Variants in BICC1 observed in about 807,000 individuals in gnomAD.
BICC1 encodes the protein protein bicaudal C homolog 1.
BICC1 carries 43 observed loss-of-function variants against 111.0 expected under a neutral mutation model. That is an observed-to-expected ratio of 0.39 (90% CI 0.30 to 0.50). The LOEUF (loss-of-function observed/expected upper bound fraction) is 0.50, where lower values mean the gene tolerates loss of function less well. BICC1 is among the 20% of genes least tolerant of loss of function. BICC1 has a pLI of 0.88. For missense variants in BICC1, 1,091 were observed against 1,203.2 expected (o/e 0.91, Z 1.38); for synonymous variants, 467 against 434.4 (o/e 1.07, Z -0.93).
intron 1 of BICC1, among the ~76,000 whole-genome samples, chr10:58,519,941 T>C (rs1649032): frequency 0.54 from 82,064 of 152,046 alleles, 23,219 homozygotes; most frequent in African/African-American, 0.71. Flanking sequence ...CTCCTCCCAC[T>C]GTCCACACAT....
chr10:58,693,692 G>A (rs1317813341), intron 2 of BICC1, among the ~76,000 whole-genome samples: 20 of 151,652 alleles, frequency 1.3e-4, no homozygotes, highest in African/African-American at 2.4e-4. Context: ...TCCTTTGCCC[G>A]CTTTTTGATG....
intron 3 of BICC1, among the ~76,000 whole-genome samples, chr10:58,749,557 C>T (rs1346344604): frequency 6.6e-6 from 1 of 152,046 alleles, no homozygotes; most frequent in African/African-American, 2.4e-5. Flanking sequence ...TCGTATAATT[C>T]AGATGTTTTT....
chr10:58,566,627 A>G (rs73302420), intron 1 of BICC1, among the ~76,000 whole-genome samples: 3,878 of 152,192 alleles, frequency 0.025, 177 homozygotes, highest in African/African-American at 0.089. Flanking sequence ...CAGCAGTGTA[A>G]AAGTGTTCTC....
At position 58,606,140 on chromosome 10, in the gene BICC1, G is replaced by A. The variant is rs1291630178; in HGVS notation, c.191-14715G>A. On this transcript the variant is annotated intron_variant, in intron 1 of 20. Transcript: ENST00000373886. The stretch of plus-strand genomic sequence containing the variant: ...ATTTGCCTTCTGGCCTGGCTTCACA[G>A]CTGTCATCATGGAATTTGCTCCCAT... Among the ~76,000 whole-genome samples the A allele has an allele frequency of 2.0e-5, 3 of 152,004 alleles. No homozygotes were observed. In the East Asian group the frequency reaches 5.8e-4, roughly 29 times the overall value.
chr10:58,795,954 A>T (rs975573129), intron 9 of BICC1, among the ~76,000 whole-genome samples: 2 of 152,114 alleles, frequency 1.3e-5, no homozygotes, highest in Non-Finnish European at 1.5e-5. Flanking sequence ...AGGGGCTGTA[A>T]AAAGGGAACC....
intron 17 of BICC1, 62 bp from the exon 18 acceptor site, chr10:58,813,768 C>T: frequency 1.3e-6 from 2 of 1,531,736 alleles, no homozygotes; most frequent in South Asian, 2.4e-5. Flanking sequence ...ATTCTTTTCT[C>T]CTCCCACCCT....
intron 3 of BICC1, among the ~76,000 whole-genome samples, chr10:58,726,636 A>C (rs1392210356): frequency 2.6e-5 from 4 of 152,340 alleles, no homozygotes; most frequent in Admixed American, 2.6e-4. Flanking sequence ...TGTCATGCAC[A>C]AATAGGAGAC....
At chr10:58,606,991 T>C (rs1194843904) in intron 1 of BICC1, among the ~76,000 whole-genome samples, 2 of 152,316 alleles carry the variant, frequency 1.3e-5, no homozygotes, top group East Asian at 1.9e-4. Context: ...TTGGATAAGA[T>C]TGTGATATTT....
At chr10:58,657,643 G>A (rs947064662) in intron 2 of BICC1, among the ~76,000 whole-genome samples, 1 of 152,112 alleles carries the variant, frequency 6.6e-6, no homozygotes, top group Non-Finnish European at 1.5e-5. Context: ...GATTCAAAAT[G>A]TACAAAGGGG....
intron 1 of BICC1, among the ~76,000 whole-genome samples, chr10:58,557,903 T>C (rs978769846): frequency 1.3e-5 from 2 of 152,142 alleles, no homozygotes; most frequent in African/African-American, 4.8e-5. Context: ...AGGCCAGACA[T>C]TGTAATATTA....
intron 1 of BICC1, among the ~76,000 whole-genome samples, chr10:58,556,063 A>G (rs931128473): frequency 1.3e-5 from 2 of 152,118 alleles, no homozygotes; most frequent in Non-Finnish European, 2.9e-5. Context: ...TGGAATTTCT[A>G]GTTTTCGAGT....
At chr10:58,813,559 ATCCCGGAGGCTCTCAGAACTC>A (rs1843981995) in intron 17 of BICC1, among the ~76,000 whole-genome samples, 1 of 152,194 alleles carries the variant, frequency 6.6e-6, no homozygotes. Context: ...GGGATTATTT[ATCCCGGAGGCTCTCAGAACTC>A]TCCCTCAGAA....
intron 2 of BICC1, chr10:58,650,127 T>C (rs1838400433): frequency 6.6e-6 from 1 of 152,188 alleles, no homozygotes; most frequent in Non-Finnish European, 1.5e-5. Flanking sequence ...ACTGAAGAGA[T>C]GATCTGCAGC....
rs74710724 is a variant in BICC1, at chr10:58,702,988, A to G, written c.307+845A>G. On this transcript the variant is annotated intron_variant, in intron 3 of 20. Coordinates refer to ENST00000373886, the MANE Select transcript of BICC1 (RefSeq NM_001080512.3). ...TCTCCCCATGACTTACTACTAAATGATAACACTGTAAGATTTCTCAGTTTC... is the reference window on the plus strand; with the variant it reads ...TCTCCCCATGACTTACTACTAAATGGTAACACTGTAAGATTTCTCAGTTTC... Among the ~76,000 whole-genome samples, 631 of 152,260 alleles carry G rather than the reference A, an allele frequency of 4.1e-3. 13 individuals are homozygous for G. The highest frequency in any genetic ancestry group is 0.014 in the African/African-American group (600 of 41,546).
chr10:58,798,504 G>C lies in BICC1; in HGVS notation c.1472G>C (p.Gly491Ala). The C allele has an allele frequency of 6.2e-7, 1 of 1,612,844 alleles. No homozygotes were observed. Among genetic ancestry groups the C allele is most frequent in the Non-Finnish European group, 8.5e-7 (1 of 1,179,442 alleles). Residue 491 changes from glycine to alanine, a missense_variant, in exon 11 of 21, where the codon GGT (glycine) becomes GCT (alanine). Physicochemically the swap from Gly to Ala is moderately conservative, Grantham distance 60. This residue lies in a region of BICC1 where 843 missense variants were observed against 900.8 expected (regional missense o/e 0.94). Coordinates refer to ENST00000373886, the MANE Select transcript of BICC1 (RefSeq NM_001080512.3). ...SVSPLQSPSS[G>A]TPSPTLWAPP... ...AGTCCTTTGCAAAGTCCAAGTTCTG[G>C]TACACCCAGCCCCACATTATGGGCA...
At chr10:58,524,241 A>T (rs190080801) in intron 1 of BICC1, among the ~76,000 whole-genome samples, 7 of 152,328 alleles carry the variant, frequency 4.6e-5, no homozygotes, top group African/African-American at 1.7e-4. Flanking sequence ...CGCATTGCCA[A>T]GTCAATCCTA....
At chr10:58,571,583 TGTG>T (rs1228591059) in intron 1 of BICC1, among the ~76,000 whole-genome samples, 1 of 145,984 alleles carries the variant, frequency 6.9e-6, no homozygotes, top group Non-Finnish European at 1.5e-5. Context: ...AGTGAGAACA[TGTG>T]GTAGTTGGTT....
At chr10:58,787,851 C>T (rs928482123) in intron 5 of BICC1, among the ~76,000 whole-genome samples, 3 of 152,056 alleles carry the variant, frequency 2.0e-5, no homozygotes, top group Admixed American at 6.6e-5. Context: ...AGCCCCTGTA[C>T]CCCCCACCAC....
chr10:58,640,587 T>C (rs1838093514), intron 2 of BICC1, among the ~76,000 whole-genome samples: 1 of 152,192 alleles, frequency 6.6e-6, no homozygotes, highest in Non-Finnish European at 1.5e-5. Context: ...ATTGCAGCCA[T>C]GGGATACTCA....
Sources: gnomAD v4.1 joint callset for allele counts (sites outside exome capture counted in the v4.1 genomes callset) on GRCh38, gnomAD v4.1.1 for gene constraint, gnomAD v4.1.1 regional missense constraint, MANE v1.5 for transcripts, NCBI Gene and HGNC (gene_info 2026-07-23, HGNC 2026-07-21) for gene names.